Variants in A1CF observed in about 807,000 individuals in gnomAD.
The protein encoded by A1CF is APOBEC-1 stimulating protein.
A1CF carries 48 observed loss-of-function variants against 68.9 expected under a neutral mutation model. The ratio of observed to expected loss-of-function variants is 0.70; its 90% CI spans 0.55 to 0.89. A1CF has a LOEUF of 0.89. Among genes scored for constraint, A1CF ranks in the 40% least tolerant of loss-of-function variants. A1CF has a pLI of 0.00. For synonymous variants in A1CF, 272 were observed against 260.4 expected (o/e 1.04, Z -0.43); for missense variants, 653 against 718.9 (o/e 0.91, Z 1.05).
chr10:50,859,874 G>A lies in A1CF; in HGVS notation c.67C>T (p.Leu23=). 9 of 1,614,048 alleles carry A rather than the reference G, an allele frequency of 5.6e-6. No homozygotes were observed. Among genetic ancestry groups the A allele is most frequent in the Non-Finnish European group, 7.6e-6 (9 of 1,179,950 alleles). Residue 23 remains leucine (L), a synonymous_variant, in exon 3 of 13, where the codon CTG becomes TTG. Coordinates refer to ENST00000373997, the MANE Select transcript of A1CF (RefSeq NM_014576.4). ...AAGCTATATCCTGTGCGCTGGACCA[G>A]TGCGCGGAGGGCTGCTTCCTTCTGA... ...GTQKEAALRA[L]VQRTGYSLVQ...
chr10:50,827,062 C>T (rs1838978391), intron 7 of A1CF, among the ~76,000 whole-genome samples: 1 of 152,156 alleles, frequency 6.6e-6, no homozygotes, highest in African/African-American at 2.4e-5. Context: ...GTAAAGGAAT[C>T]AATTCAACAA....
chr10:50,822,785 C>G (rs1001633271), intron 7 of A1CF: 1 of 152,178 alleles, frequency 6.6e-6, no homozygotes, highest in Non-Finnish European at 1.5e-5. Flanking sequence ...AATCCCATGA[C>G]TTGTTTTAGT....
At chr10:50,883,493 G>A (rs1318981419) in intron 1 of A1CF, among the ~76,000 whole-genome samples, 1 of 152,138 alleles carries the variant, frequency 6.6e-6, no homozygotes, top group African/African-American at 2.4e-5. Context: ...TTCTCAGATA[G>A]GCATAGTCCT....
intron 5 of A1CF, among the ~76,000 whole-genome samples, chr10:50,841,262 C>T (rs1387154729): frequency 1.3e-5 from 2 of 152,174 alleles, no homozygotes; most frequent in Non-Finnish European, 2.9e-5. Flanking sequence ...TTTCAGTCCT[C>T]CTCTCTTTAC....
intron 4 of A1CF, among the ~76,000 whole-genome samples, chr10:50,843,682 T>C (rs772597842): frequency 2.0e-5 from 3 of 152,158 alleles, no homozygotes; most frequent in Non-Finnish European, 2.9e-5. Context: ...GACAGGTTAT[T>C]GTAGGGTTAT....
At chr10:50,844,697 A>C (rs1398845394) in intron 3 of A1CF, among the ~76,000 whole-genome samples, 1 of 152,194 alleles carries the variant, frequency 6.6e-6, no homozygotes, top group Non-Finnish European at 1.5e-5. Context: ...AAATGATACA[A>C]GTTGTGGAAA....
rs1230177488 is a variant in A1CF at position 50,811,156 on chromosome 10, C to G, written c.1344G>C (p.Gln448His). The stretch of plus-strand genomic sequence containing the variant: ...ACACTGGCTGTCCCCAGTTATTTTT[C>G]TGACAAATCTCTTCTAATATCTACA... ...LAPQILEEIC[Q>H]KNNWGQPVYQ... is the part of the protein sequence containing the mutation. The change falls in exon 11 of 13, where the codon CAG becomes CAC. Residue 448 changes from glutamine (Q) to histidine (H), a missense_variant. By Grantham distance (24) the Gln-to-His change is conservative. Transcript: ENST00000373997. 6.2e-7 allele frequency: 1 copy of G among 1,612,428 alleles called. No individual in the cohort carries two copies. The highest frequency in any genetic ancestry group is 8.5e-7 in the Non-Finnish European group (1 of 1,179,044).
At chr10:50,876,047 C>A in intron 1 of A1CF, among the ~76,000 whole-genome samples, 1 of 152,168 alleles carries the variant, frequency 6.6e-6, no homozygotes, top group Non-Finnish European at 1.5e-5. Flanking sequence ...TTTACCTAGG[C>A]GCCTTTGTCC....
chr10:50,825,061 T>C (rs1426468780), intron 7 of A1CF, among the ~76,000 whole-genome samples: 1 of 152,146 alleles, frequency 6.6e-6, no homozygotes, highest in Non-Finnish European at 1.5e-5. Context: ...AGAAAGATCT[T>C]TGGTGAATCT....
chr10:50,806,896 G>A lies in A1CF; in HGVS notation c.1610-16C>T. On this transcript the variant is annotated splice_polypyrimidine_tract_variant and intron_variant, in intron 12 of 12. Coordinates refer to ENST00000373997, the MANE Select transcript of A1CF (RefSeq NM_014576.4). ...ACAGCATATCCTGGAGGAAGAGGCA[G>A]AGAAAACTTGATGAAAGGAATTCAC... 3.8e-6 allele frequency: 6 copies of A among 1,592,100 alleles called. 1 individual carries two copies. The highest frequency in any genetic ancestry group is 2.3e-5 in the South Asian group (2 of 86,484).
At chr10:50,881,003 T>C (rs1454531055) in intron 1 of A1CF, among the ~76,000 whole-genome samples, 1 of 152,136 alleles carries the variant, frequency 6.6e-6, no homozygotes, top group Non-Finnish European at 1.5e-5. Flanking sequence ...TCTTTTTTTT[T>C]TTTTGAGGTG....
intron 7 of A1CF, chr10:50,824,398 G>A (rs1292099776): frequency 6.6e-6 from 1 of 152,068 alleles, no homozygotes; most frequent in Non-Finnish European, 1.5e-5. Flanking sequence ...AAAATAAGAA[G>A]TATTATTCAC....
At chr10:50,869,133 T>TA (rs1233959149) in intron 1 of A1CF, among the ~76,000 whole-genome samples, 2 of 148,924 alleles carry the variant, frequency 1.3e-5, no homozygotes, top group Non-Finnish European at 3.0e-5. Flanking sequence ...TCCCTGAACT[T>TA]AAAAAAAAAA....
intron 3 of A1CF, among the ~76,000 whole-genome samples, chr10:50,853,042 G>A (rs77980701): frequency 0.013 from 1,990 of 152,070 alleles, 52 homozygotes; most frequent in African/African-American, 0.045. Flanking sequence ...CAAAACATGT[G>A]ATTTCATTGA....
chr10:50,820,009 G>T (rs1408622353), intron 8 of A1CF, among the ~76,000 whole-genome samples: 1 of 152,086 alleles, frequency 6.6e-6, no homozygotes, highest in African/African-American at 2.4e-5. Context: ...GTCTACAGAA[G>T]GTTTTAAATG....
At chr10:50,853,185 G>A (rs972235884) in intron 3 of A1CF, among the ~76,000 whole-genome samples, 5 of 152,164 alleles carry the variant, frequency 3.3e-5, no homozygotes, top group African/African-American at 4.8e-5. Context: ...GGAAGGGAAA[G>A]ATGAAATCCA....
chr10:50,864,028 CT>C lies in A1CF; in HGVS notation c.-46+4del, dbSNP rs1215482497. 2.0e-5 allele frequency: 3 copies of C among 151,902 alleles called. No homozygotes were observed. The highest frequency in any genetic ancestry group is 7.3e-5 in the African/African-American group (3 of 41,318). The allele number at this position is 151,902 out of a possible 1,614,324, so 9.4% of individuals were successfully genotyped here. A position where few individuals can be genotyped will look rare whatever the true frequency, so the allele number is the denominator to read the frequency against. ...TACACAGTAAGTAAAATATAGTATACTTACATAATTTTTGTAGAGAAAATCC... is the reference window on the plus strand; with the variant it reads ...TACACAGTAAGTAAAATATAGTATACTACATAATTTTTGTAGAGAAAATCC... On this transcript the variant is annotated splice_donor_region_variant and intron_variant, in intron 2 of 12. Coordinates refer to ENST00000373997, the MANE Select transcript of A1CF (RefSeq NM_014576.4).
At chr10:50,810,419 A>T (rs1385892579) in intron 11 of A1CF, among the ~76,000 whole-genome samples, 1 of 152,192 alleles carries the variant, frequency 6.6e-6, no homozygotes, top group East Asian at 1.9e-4. Context: ...CCATTGTCTT[A>T]TTATGTATAA....
chr10:50,830,788 C>G (rs928420126), intron 6 of A1CF, among the ~76,000 whole-genome samples: 1 of 152,056 alleles, frequency 6.6e-6, no homozygotes, highest in Non-Finnish European at 1.5e-5. Context: ...TATGGGGCCA[C>G]AAAAGACCCT....
Sources: allele counts gnomAD v4.1 joint callset (sites outside exome capture counted in the v4.1 genomes callset), GRCh38; gene constraint gnomAD v4.1.1; transcripts MANE v1.5; gene names NCBI Gene and HGNC (gene_info 2026-07-23, HGNC 2026-07-21).